Variants in TRAF2 observed in about 807,000 individuals in gnomAD.
TRAF2 encodes the protein TNF receptor associated factor 2.
A neutral mutation model predicts 55.6 loss-of-function variants in TRAF2; 6 were observed. That is an observed-to-expected ratio of 0.11 (90% confidence interval 0.06 to 0.21). The LOEUF (loss-of-function observed/expected upper bound fraction) is 0.21. TRAF2 is among the 10% of genes least tolerant of loss of function. The pLI is 1.00. For missense variants in TRAF2, 561 were observed against 684.5 expected (o/e 0.82, Z 2.01); for synonymous variants, 329 against 276.3 (o/e 1.19, Z -1.89).
intron 6 of TRAF2, among the ~76,000 whole-genome samples, chr9:136,911,454 G>A (rs1011572967): frequency 1.1e-4 from 17 of 152,034 alleles, no homozygotes; most frequent in South Asian, 2.1e-4. Context: ...AGTAGAGATG[G>A]GGTTTCTCCA....
chr9:136,925,513 G>T (rs569274810), intron 10 of TRAF2, among the ~76,000 whole-genome samples, 170 bp from the exon 11 acceptor site: 4 of 152,150 alleles, frequency 2.6e-5, no homozygotes, highest in Non-Finnish European at 5.9e-5. Context: ...GAGCCCGGGC[G>T]CTGTGGCAGG....
chr9:136,884,033 C>T (rs1849404229), upstream of TRAF2, among the ~76,000 whole-genome samples: 1 of 151,902 alleles, frequency 6.6e-6, no homozygotes, highest in Admixed American at 6.6e-5. Flanking sequence ...ACATGTTGGC[C>T]AGAATGGTCT....
chr9:136,899,573 T>C, intron 2 of TRAF2, 21 bp from the exon 3 acceptor site: 2 of 1,600,942 alleles, frequency 1.2e-6, no homozygotes, highest in South Asian at 1.1e-5. Flanking sequence ...TGGGTTGTTT[T>C]TTGCCTTTTT....
chr9:136,896,253 G>A (rs550939512), intron 1 of TRAF2, among the ~76,000 whole-genome samples: 8 of 152,314 alleles, frequency 5.3e-5, no homozygotes, highest in Admixed American at 3.3e-4. Flanking sequence ...CCTGGCCCTC[G>A]GGCTGCTTTT....
intron 6 of TRAF2, among the ~76,000 whole-genome samples, chr9:136,914,086 C>T (rs17244075): frequency 0.012 from 1,903 of 152,324 alleles, 40 homozygotes; most frequent in African/African-American, 0.044. Context: ...CTGGCAGGAA[C>T]CACAGACGGG....
intron 6 of TRAF2, among the ~76,000 whole-genome samples, chr9:136,911,764 C>T (rs1181666192): frequency 1.3e-5 from 2 of 151,774 alleles, no homozygotes; most frequent in African/African-American, 4.8e-5. Context: ...TCTGTGCCCC[C>T]TGGCCCGTTC....
At chr9:136,888,135 T>A (rs1849495483) in intron 1 of TRAF2, among the ~76,000 whole-genome samples, 1 of 152,132 alleles carries the variant, frequency 6.6e-6, no homozygotes, top group African/African-American at 2.4e-5. Flanking sequence ...CCTCCCAAAG[T>A]GCTAGGATTA....
chr9:136,917,759 G>T (rs1850276110), intron 7 of TRAF2, among the ~76,000 whole-genome samples: 1 of 152,144 alleles, frequency 6.6e-6, no homozygotes, highest in Non-Finnish European at 1.5e-5. Context: ...CATTTTCTTT[G>T]TCTGCGTTGG....
intron 3 of TRAF2, 62 bp downstream of exon 3, chr9:136,899,734 C>T (rs1849771313): frequency 3.9e-6 from 6 of 1,520,146 alleles, no homozygotes; most frequent in South Asian, 2.3e-5. Flanking sequence ...TCCTTTACAA[C>T]ATGGGTGGGG....
rs1270459631 is a variant in TRAF2, at chr9:136,910,048, C to CG, written c.603+55dup. 2.0e-5 allele frequency: 28 copies of CG among 1,375,336 alleles called. No individual in the cohort carries two copies. The Middle Eastern group carries it at 5.3e-4, about 26-fold the overall frequency. 85.2% of individuals were successfully genotyped at this position (1,375,336 alleles called of 1,614,324 possible). ...CGCAGGGCGGGGCCCATGTGTTGGA[C>CG]GTGAGGGTCCCGTGGGTGGGGGTGG... On this transcript the variant is annotated intron_variant, in intron 6 of 10. Coordinates refer to ENST00000247668, the MANE Select transcript of TRAF2 (RefSeq NM_021138.4).
chr9:136,883,477 C>T (rs141885058), upstream of TRAF2, among the ~76,000 whole-genome samples: 1,103 of 152,214 alleles, frequency 7.2e-3, 17 homozygotes, highest in African/African-American at 0.025. Context: ...AATGACTTTC[C>T]CGTTACCCTG....
In TRAF2 at chr9:136,909,037, CAAAAAAA is replaced by C. The variant is rs10597975; in HGVS notation, c.528+814_528+820del. ...TGGGCAACAGAGGAAGACTCTGTCT[CAAAAAAA>C]AAAAAAAGAAAAAAAATTTTTAAAA... On this transcript the variant is annotated intron_variant, in intron 5 of 10. Transcript: ENST00000247668. Among the ~76,000 whole-genome samples the C allele has an allele frequency of 6.1e-5, 9 of 147,310 alleles. No individual in the cohort carries two copies. In the South Asian group the frequency reaches 1.1e-3, roughly 17 times the overall value.
At chr9:136,908,003 G>T in intron 4 of TRAF2, 67 bp from the exon 5 acceptor site, 1 of 1,542,774 alleles carries the variant, frequency 6.5e-7, no homozygotes, top group Non-Finnish European at 8.7e-7. Context: ...TTGTGTCCCC[G>T]GGTGAAGCTG....
chr9:136,898,682 G>T, intron 1 of TRAF2, 31 bp from the exon 2 acceptor site: 1 of 1,607,544 alleles, frequency 6.2e-7, no homozygotes. Context: ...TTCTGGAATT[G>T]AGGTGTAACG....
At chr9:136,920,994 C>T (rs764798833) in intron 8 of TRAF2, 44 bp from the exon 9 acceptor site, 22 of 1,605,352 alleles carry the variant, frequency 1.4e-5, no homozygotes, top group African/African-American at 6.7e-5. Flanking sequence ...GGCTCGTGCC[C>T]GCACCCCTCC....
intron 1 of TRAF2, among the ~76,000 whole-genome samples, chr9:136,887,693 T>A (rs1849485354): frequency 6.6e-6 from 1 of 152,104 alleles, no homozygotes; most frequent in Non-Finnish European, 1.5e-5. Context: ...TAGTTTTTAA[T>A]AAGAGGAACT....
intron 7 of TRAF2, among the ~76,000 whole-genome samples, chr9:136,917,787 G>T (rs192208106): frequency 1.3e-5 from 2 of 152,268 alleles, no homozygotes; most frequent in East Asian, 3.9e-4. Flanking sequence ...TCTGCTGTCC[G>T]TGTTCTTGTC....
At chr9:136,899,149 A>G (rs1190255921) in intron 2 of TRAF2, among the ~76,000 whole-genome samples, 1 of 152,250 alleles carries the variant, frequency 6.6e-6, no homozygotes, top group East Asian at 1.9e-4. Context: ...GGTTAAATAT[A>G]GTACGTCATT....
At chr9:136,894,281 G>A (rs954344642) in intron 1 of TRAF2, among the ~76,000 whole-genome samples, 2 of 151,982 alleles carry the variant, frequency 1.3e-5, no homozygotes, top group African/African-American at 4.8e-5. Context: ...TCTTGACCTC[G>A]TGATCTGCCT....
Sources: gnomAD v4.1 joint callset for allele counts (sites outside exome capture counted in the v4.1 genomes callset) on GRCh38, gnomAD v4.1.1 for gene constraint, MANE v1.5 for transcripts, NCBI Gene and HGNC (gene_info 2026-07-23, HGNC 2026-07-21) for gene names.